The following SLC25A21 variants were observed in gnomAD, a reference collection of about 807,000 sequenced individuals.
The protein encoded by SLC25A21 is solute carrier family 25 member 21, also known as mitochondrial 2-oxodicarboxylate carrier.
Under a neutral mutation model 43.8 loss-of-function variants are expected in SLC25A21, and 47 were observed. The ratio of observed to expected loss-of-function variants is 1.07; its 90% confidence interval spans 0.85 to 1.37. The LOEUF is 1.37. Ranked by LOEUF, SLC25A21 falls within the 40% of genes most tolerant of loss-of-function variation. The pLI is 0.00. For missense variants in SLC25A21, 352 were observed against 350.2 expected (o/e 1.00, Z -0.04); for synonymous variants, 131 against 121.3 (o/e 1.08, Z -0.52).
chr14:37,108,667 C>T (rs1432051771), intron 1 of SLC25A21, among the ~76,000 whole-genome samples: 1 of 151,408 alleles, frequency 6.6e-6, no homozygotes, highest in Admixed American at 6.6e-5. Context: ...AGGAAAATCA[C>T]CTACATACTG....
chr14:36,890,845 A>G (rs1891054105), intron 1 of SLC25A21, among the ~76,000 whole-genome samples: 3 of 152,182 alleles, frequency 2.0e-5, no homozygotes, highest in Admixed American at 6.6e-5. Flanking sequence ...AATATCCTAT[A>G]ATGACCACAA....
chr14:36,954,755 T>A (rs963618341), intron 1 of SLC25A21, among the ~76,000 whole-genome samples: 1 of 152,142 alleles, frequency 6.6e-6, no homozygotes, highest in Non-Finnish European at 1.5e-5. Flanking sequence ...ATTCCATTAT[T>A]TTCTGATTCC....
intron 3 of SLC25A21, among the ~76,000 whole-genome samples, 195 bp from the exon 4 acceptor site, chr14:36,734,768 A>C (rs946727939): frequency 2.0e-5 from 3 of 152,208 alleles, no homozygotes; most frequent in African/African-American, 7.2e-5. Flanking sequence ...TAAATACGTG[A>C]TACTGAGACA....
intron 1 of SLC25A21, among the ~76,000 whole-genome samples, chr14:37,128,688 G>T (rs1963341753): frequency 6.6e-6 from 1 of 151,904 alleles, no homozygotes; most frequent in Non-Finnish European, 1.5e-5. Context: ...ACCAGGCTCA[G>T]GTGATCCTCC....
At chr14:36,894,411 T>G (rs1258423445) in intron 1 of SLC25A21, among the ~76,000 whole-genome samples, 3 of 152,162 alleles carry the variant, frequency 2.0e-5, no homozygotes, top group Non-Finnish European at 4.4e-5. Context: ...TTTTGCTGAA[T>G]TTGCCTATCA....
At chr14:37,059,095 G>A (rs778868777) in intron 1 of SLC25A21, among the ~76,000 whole-genome samples, 5 of 152,150 alleles carry the variant, frequency 3.3e-5, no homozygotes, top group Non-Finnish European at 7.3e-5. Flanking sequence ...CATCTTCAGG[G>A]CAAGGATCAC....
chr14:36,713,942 C>T (rs1311204364), intron 6 of SLC25A21, among the ~76,000 whole-genome samples: 1 of 152,118 alleles, frequency 6.6e-6, no homozygotes, highest in Non-Finnish European at 1.5e-5. Context: ...CTGCAGTGAA[C>T]TGTTATCCTG....
In SLC25A21 at chr14:36,678,497, T is replaced by C. The variant is rs1002509340; in HGVS notation, c.*2161A>G. ...TGGAGTTCCCAGTCTGGTGAGAAAA[T>C]AGACTATAAACTGAATGGAACAAAG... On this transcript the variant is annotated 3_prime_UTR_variant, in exon 10 of 10. Coordinates refer to ENST00000331299, the MANE Select transcript of SLC25A21 (RefSeq NM_030631.4). 6.5e-6 allele frequency: 10 copies of C among 1,536,814 alleles called. No homozygotes were observed. The highest frequency in any genetic ancestry group is 8.7e-6 in the Non-Finnish European group (10 of 1,146,732).
At chr14:36,888,171 C>T (rs1890976454) in intron 1 of SLC25A21, among the ~76,000 whole-genome samples, 1 of 152,146 alleles carries the variant, frequency 6.6e-6, no homozygotes, top group African/African-American at 2.4e-5. Flanking sequence ...TGTTGCTTAG[C>T]CTACTAGGTT....
In SLC25A21 at chr14:36,680,271, C is replaced by T. The variant is rs546752050; in HGVS notation, c.*387G>A. ...GTCTTTGAATAATTTGATTTATTTT[C>T]AATAGTTTAAGCATTTCTAGACCTC... On this transcript the variant is annotated 3_prime_UTR_variant, in exon 10 of 10. Coordinates refer to ENST00000331299, the MANE Select transcript of SLC25A21 (RefSeq NM_030631.4). 1.0e-5 allele frequency: 10 copies of T among 962,646 alleles called. No homozygotes were observed. In the South Asian group the frequency reaches 3.9e-4, roughly 37 times the overall value. The allele number at this position is 962,646 out of a possible 1,614,324, so 59.6% of individuals were successfully genotyped here. A position where few individuals can be genotyped will look rare whatever the true frequency, so the allele number is the denominator to read the frequency against.
chr14:36,919,439 T>A (rs1891916151), intron 1 of SLC25A21, among the ~76,000 whole-genome samples: 1 of 152,012 alleles, frequency 6.6e-6, no homozygotes, highest in Non-Finnish European at 1.5e-5. Context: ...TACAGCAAAT[T>A]GACATTTGGA....
At chr14:36,937,449 A>G (rs796445737) in intron 1 of SLC25A21, among the ~76,000 whole-genome samples, 15 of 152,296 alleles carry the variant, frequency 9.8e-5, no homozygotes, top group African/African-American at 3.6e-4. Context: ...CATAGTAGAG[A>G]GTGACATTGG....
intron 1 of SLC25A21, among the ~76,000 whole-genome samples, chr14:37,121,933 A>C (rs976619731): frequency 2.6e-5 from 4 of 151,038 alleles, no homozygotes; most frequent in Non-Finnish European, 5.9e-5. Flanking sequence ...GTCCTTCATC[A>C]AGTGTCCCCT....
At chr14:37,135,974 T>C (rs1963473918) in intron 1 of SLC25A21, among the ~76,000 whole-genome samples, 2 of 152,224 alleles carry the variant, frequency 1.3e-5, no homozygotes, top group Admixed American at 6.5e-5. Flanking sequence ...TATATAGTGA[T>C]AGTTCAGTGA....
At chr14:37,060,983 A>G (rs1010451963) in intron 1 of SLC25A21, among the ~76,000 whole-genome samples, 3 of 152,136 alleles carry the variant, frequency 2.0e-5, no homozygotes, top group African/African-American at 7.2e-5. Context: ...TGAAGCTGGT[A>G]GTGGGTGGCT....
intron 1 of SLC25A21, among the ~76,000 whole-genome samples, chr14:37,008,452 T>G (rs1269943364): frequency 1.3e-5 from 2 of 152,182 alleles, no homozygotes; most frequent in African/African-American, 4.8e-5. Context: ...GCCATTGCAA[T>G]AGAGGATGTG....
At chr14:37,118,885 T>G in intron 1 of SLC25A21, among the ~76,000 whole-genome samples, 1 of 152,112 alleles carries the variant, frequency 6.6e-6, no homozygotes, top group African/African-American at 2.4e-5. Context: ...GTCTGACACC[T>G]ACTGGGCTGC....
At chr14:36,911,769 C>T (rs1891692758) in intron 1 of SLC25A21, among the ~76,000 whole-genome samples, 1 of 152,122 alleles carries the variant, frequency 6.6e-6, no homozygotes, top group Admixed American at 6.5e-5. Context: ...GGATAACCCA[C>T]ATGAGCCCAG....
chr14:37,028,017 C>G (rs1365654801), intron 1 of SLC25A21, among the ~76,000 whole-genome samples: 2 of 152,044 alleles, frequency 1.3e-5, no homozygotes, highest in Non-Finnish European at 2.9e-5. Flanking sequence ...TCTTTAGTAT[C>G]TAAACTAAGA....
Sources: allele counts gnomAD v4.1 joint callset (sites outside exome capture counted in the v4.1 genomes callset), GRCh38; gene constraint gnomAD v4.1.1; transcripts MANE v1.5; gene names NCBI Gene and HGNC (gene_info 2026-07-23, HGNC 2026-07-21).